TMEM74B: variants seen among roughly 807,000 people sequenced by gnomAD.
TMEM74B encodes transmembrane protein 74B.
A neutral mutation model predicts 6.5 loss-of-function variants in TMEM74B; 7 were observed. The ratio of observed to expected loss-of-function variants is 1.07; its 90% CI spans 0.61 to 2.01. The LOEUF (loss-of-function observed/expected upper bound fraction) is 2.01, where lower values mean the gene tolerates loss of function less well. Ranked by LOEUF, TMEM74B falls within the 30% of genes most tolerant of loss-of-function variation. The pLI is 0.00. For missense variants in TMEM74B, 342 were observed against 337.0 expected (o/e 1.01, Z -0.12); for synonymous variants, 151 against 151.6 (o/e 1.00, Z 0.03).
At position 1,181,571 on chromosome 20, in the gene TMEM74B, C is replaced by T. The variant is rs143555431; in HGVS notation, c.48G>A (p.Arg16=). The change falls in exon 3 of 3, where the codon AGG becomes AGA. Residue 16 remains arginine, a synonymous_variant. Coordinates refer to ENST00000429036, the MANE Select transcript of TMEM74B (RefSeq NM_001304748.2). This position sits in a 1 kb window ranked among gnomAD's most constrained non-coding sequence, Gnocchi z 4.9. ...TTGGGAAGGAGGGCCCCAGCTCATC[C>T]CTTGGCCCCTTGGCAGCTGGAAGAG... ...GYEFAAAKGP[R]DELGPSFPMA... is the part of the protein sequence containing the mutation. 153 of 1,458,488 alleles carry T rather than the reference C, an allele frequency of 1.0e-4. No homozygotes were observed. Among genetic ancestry groups the T allele is most frequent in the Non-Finnish European group, 1.3e-4 (148 of 1,111,142 alleles). The allele number at this position is 1,458,488 out of a possible 1,614,324, so 90.3% of individuals were successfully genotyped here.
chr20:1,182,983 G>A (rs2086911841), intron 2 of TMEM74B, among the ~76,000 whole-genome samples: 1 of 152,210 alleles, frequency 6.6e-6, no homozygotes, highest in African/African-American at 2.4e-5. Context: ...ACACTCGCCT[G>A]GAGTTGGCAA....
upstream of TMEM74B, among the ~76,000 whole-genome samples, chr20:1,187,909 G>A (rs527624071): frequency 1.3e-5 from 2 of 152,166 alleles, no homozygotes; most frequent in African/African-American, 4.8e-5. Context: ...GTAAGTAAAG[G>A]GTTAACAAAA....
Position 1,183,952 on chromosome 20 carries a change from TC to T in TMEM74B, c.-147-5del. 1.3e-6 allele frequency: 1 copy of T among 762,082 alleles called. No homozygotes were observed. The highest frequency in any genetic ancestry group is 2.1e-6 in the Non-Finnish European group (1 of 473,250). 47.2% of individuals were successfully genotyped at this position (762,082 alleles called of 1,614,324 possible). On this transcript the variant is annotated splice_polypyrimidine_tract_variant and splice_region_variant and intron_variant, in intron 1 of 2. Transcript: ENST00000429036. ...GCCTGCGCCCAGACTGCTTTTACTT[TC>T]CAGTGAATAGACAGAAAAAAGAGAT...
rs2086879114 is a variant in TMEM74B at position 1,181,846 on chromosome 20, AT to A, written c.32-260del. Among the ~76,000 whole-genome samples, 1 of 152,186 alleles carries A rather than the reference AT, an allele frequency of 6.6e-6. No homozygotes were observed. The highest frequency in any genetic ancestry group is 2.4e-5 in the African/African-American group (1 of 41,414). ...TGGCTTCAGTTTCCCCACCTATAAA[AT>A]AATACTACTACTACCCTCTAGTTCG... is the stretch of plus-strand genomic sequence containing the variant. On this transcript the variant is annotated intron_variant, in intron 2 of 2. Transcript: ENST00000429036. The surrounding 1 kb of genome is among the most constrained non-coding windows in gnomAD (Gnocchi z 4.9).
rs139413230 is a variant in TMEM74B at position 1,181,265 on chromosome 20, C to A, written c.354G>T (p.Pro118=). 1.2e-6 allele frequency: 2 copies of A among 1,613,910 alleles called. No individual in the cohort carries two copies. Residue 118 remains proline (P), a synonymous_variant, in exon 3 of 3, where the codon CCG becomes CCT. Transcript: ENST00000429036. The surrounding 1 kb of genome is among the most constrained non-coding windows in gnomAD (Gnocchi z 4.9). ...EGPALEPVSR[P]VDYGFVSALV... ...GGGCGGAAACAAAGCCATAATCCACCGGGCGGCTCACGGGCTCCAGGGCTG... is the reference window on the plus strand; with the variant it reads ...GGGCGGAAACAAAGCCATAATCCACAGGGCGGCTCACGGGCTCCAGGGCTG...
At chr20:1,186,869 C>G (rs1040369688), upstream of TMEM74B, among the ~76,000 whole-genome samples, 1 of 152,176 alleles carries the variant, frequency 6.6e-6, no homozygotes, top group Admixed American at 6.5e-5. Flanking sequence ...TGGCACCACA[C>G]TCCTGTTCAA....
In TMEM74B at chr20:1,181,378, G is replaced by T. The variant is rs1218742734; in HGVS notation, c.241C>A (p.Leu81Met). The stretch of plus-strand genomic sequence containing the variant: ...CCAGGGGGACTGGGTGAGCTGCCCA[G>T]TCTCGTGTTCCCAGGGTTCTGGAAA... ...THFQNPGNTRLGSSPSPPGGV... is the reference protein window; with the variant it reads ...THFQNPGNTRMGSSPSPPGGV... The change falls in exon 3 of 3, where the codon CTG (leucine) becomes ATG (methionine). Residue 81 changes from leucine to methionine, a missense_variant. Transcript: ENST00000429036. The surrounding 1 kb of genome is among the most constrained non-coding windows in gnomAD (Gnocchi z 4.9). 6.5e-7 allele frequency: 1 copy of T among 1,544,836 alleles called. No homozygotes were observed. Among genetic ancestry groups the T allele is most frequent in the East Asian group, 2.3e-5 (1 of 44,230 alleles).
intron 2 of TMEM74B, among the ~76,000 whole-genome samples, chr20:1,182,672 G>T (rs1386586709): frequency 6.6e-6 from 1 of 152,064 alleles, no homozygotes; most frequent in Admixed American, 6.6e-5. Context: ...GGCGAGAAGA[G>T]GGACACTCTC....
In TMEM74B at chr20:1,181,284, A is replaced by G. The variant is rs1295342744; in HGVS notation, c.335T>C (p.Leu112Pro). The G allele has an allele frequency of 4.3e-6, 7 of 1,613,164 alleles. No individual in the cohort carries two copies. Among genetic ancestry groups the G allele is most frequent in the Non-Finnish European group, 5.9e-6 (7 of 1,179,590 alleles). ...ATCCACCGGGCGGCTCACGGGCTCC[A>G]GGGCTGGCCCCTCCTCTGAATGAAG... ...LSLHSEEGPA[L>P]EPVSRPVDYG... The change falls in exon 3 of 3, where the codon CTG becomes CCG. Residue 112 changes from leucine (L) to proline (P), a missense_variant. Coordinates refer to ENST00000429036, the MANE Select transcript of TMEM74B (RefSeq NM_001304748.2). This position sits in a 1 kb window ranked among gnomAD's most constrained non-coding sequence, Gnocchi z 4.9.
intron 2 of TMEM74B, 77 bp downstream of exon 2, chr20:1,183,694 G>A: frequency 6.5e-7 from 1 of 1,540,428 alleles, no homozygotes; most frequent in Non-Finnish European, 8.9e-7. Flanking sequence ...ACATGGCCAA[G>A]ATCCCATGGC....
chr20:1,180,884 C>T lies in TMEM74B; in HGVS notation c.735G>A (p.Gln245=), dbSNP rs751466372. 6.2e-7 allele frequency: 1 copy of T among 1,608,208 alleles called. No homozygotes were observed. The highest frequency in any genetic ancestry group is 2.2e-5 in the East Asian group (1 of 44,774). The change falls in exon 3 of 3, where the codon CAG becomes CAA. Residue 245 remains glutamine, a synonymous_variant. Transcript: ENST00000429036. The surrounding 1 kb of genome is among the most constrained non-coding windows in gnomAD (Gnocchi z 6.1). ...GQALVENEVV[Q]VSETSHTLQR... ...GGAGGGTGTGGCTAGTCTCTGAGAC[C>T]TGGACAACTTCATTCTCCACCAGGG...
At chr20:1,188,768 G>A (rs1262538204), upstream of TMEM74B, among the ~76,000 whole-genome samples, 1 of 152,070 alleles carries the variant, frequency 6.6e-6, no homozygotes, top group Non-Finnish European at 1.5e-5. Flanking sequence ...AGGTAATATT[G>A]GACTGTAACA....
chr20:1,182,535 A>G (rs6040359), intron 2 of TMEM74B, among the ~76,000 whole-genome samples: 49,872 of 151,266 alleles, frequency 0.33, 8,813 homozygotes, highest in African/African-American at 0.43. Flanking sequence ...TGGGGATGGC[A>G]TGGCTAAAAG....
In TMEM74B at chr20:1,181,500, G is replaced by A. The variant is rs756965497; in HGVS notation, c.119C>T (p.Pro40Leu). Residue 40 changes from proline (P) to leucine (L), a missense_variant, in exon 3 of 3, where the codon CCC becomes CTC. Transcript: ENST00000429036. This position sits in a 1 kb window ranked among gnomAD's most constrained non-coding sequence, Gnocchi z 4.9. ...GGGAGCTGATCTCCTTGGGGCTTGG[G>A]GACCATTGCTCAGTGTCTTCAGTTC... ...GLELKTLSNG[P>L]QAPRRSAPLG... The A allele has an allele frequency of 1.3e-6, 2 of 1,507,118 alleles. No homozygotes were observed. The highest frequency in any genetic ancestry group is 2.4e-5 in the Admixed American group (1 of 42,398). The allele number at this position is 1,507,118 out of a possible 1,614,324, so 93.4% of individuals were successfully genotyped here.
At chr20:1,185,687 C>G (rs1411806332), upstream of TMEM74B, among the ~76,000 whole-genome samples, 1 of 144,120 alleles carries the variant, frequency 6.9e-6, no homozygotes, top group African/African-American at 2.5e-5. Context: ...TTGGAGCCCG[C>G]GGTCCACGGG....
chr20:1,181,000 G>T lies in TMEM74B; in HGVS notation c.619C>A (p.Arg207=), dbSNP rs746120459. Reference sequence around the variant, plus strand: ...CCCTTGCCGGGGACGAAGGTCCTCCGGCGGTACAGCTCGCCCTTGCACAGG... The same window carrying T: ...CCCTTGCCGGGGACGAAGGTCCTCCTGCGGTACAGCTCGCCCTTGCACAGG... ...VSLCKGELYR[R]RTFVPGKGSR... The change falls in exon 3 of 3, where the codon CGG becomes AGG. Residue 207 remains arginine, a synonymous_variant. Coordinates refer to ENST00000429036, the MANE Select transcript of TMEM74B (RefSeq NM_001304748.2). This position sits in a 1 kb window ranked among gnomAD's most constrained non-coding sequence, Gnocchi z 6.1. 1.4e-5 allele frequency: 22 copies of T among 1,614,028 alleles called. No individual in the cohort carries two copies. Among genetic ancestry groups the T allele is most frequent in the Non-Finnish European group, 1.9e-5 (22 of 1,179,994 alleles).
Position 1,183,896 on chromosome 20 carries a change from G to A in TMEM74B, c.-95C>T, listed in dbSNP as rs1276669467. ...AGCAACCGTGAGCACCTTGAGAGCA[G>A]GCATAAGTTTGAATTCCATCTGGGT... On this transcript the variant is annotated 5_prime_UTR_variant, in exon 2 of 3. Transcript: ENST00000429036. The A allele has an allele frequency of 6.7e-7, 1 of 1,484,730 alleles. No homozygotes were observed. The highest frequency in any genetic ancestry group is 2.3e-5 in the East Asian group (1 of 43,190). 92.0% of individuals were successfully genotyped at this position (1,484,730 alleles called of 1,614,324 possible).
At chr20:1,185,375 GC>G (rs1211346216), upstream of TMEM74B, 1 of 151,644 alleles carries the variant, frequency 6.6e-6, no homozygotes, top group African/African-American at 2.4e-5. Context: ...CGGAGCCACT[GC>G]CGAGGCGCAC....
chr20:1,187,570 G>A (rs1225111184), upstream of TMEM74B, among the ~76,000 whole-genome samples: 1 of 152,204 alleles, frequency 6.6e-6, no homozygotes, highest in Non-Finnish European at 1.5e-5. Context: ...CTCAAACAAG[G>A]GTGCCAACCT....
Sources: allele counts gnomAD v4.1 joint callset (sites outside exome capture counted in the v4.1 genomes callset), GRCh38; gene constraint gnomAD v4.1.1; non-coding constraint Gnocchi (gnomAD v3.1); transcripts MANE v1.5; gene names NCBI Gene and HGNC (gene_info 2026-07-23, HGNC 2026-07-21).